Variants in SYNPO2 observed in about 807,000 individuals in gnomAD.
SYNPO2 encodes synaptopodin 2.
SYNPO2 carries 56 observed loss-of-function variants against 85.0 expected under a neutral mutation model. The observed-to-expected ratio is 0.66, with a 90% CI of 0.53 to 0.82. The LOEUF (loss-of-function observed/expected upper bound fraction) is 0.82, where lower values mean the gene tolerates loss of function less well. Among genes scored for constraint, SYNPO2 ranks in the 40% least tolerant of loss-of-function variants. The pLI is 0.00. For missense variants in SYNPO2, 1,575 were observed against 1,534.2 expected (o/e 1.03, Z -0.44); for synonymous variants, 602 against 591.1 (o/e 1.02, Z -0.27).
At chr4:118,962,977 C>G (rs566761540) in intron 1 of SYNPO2, among the ~76,000 whole-genome samples, 2 of 152,152 alleles carry the variant, frequency 1.3e-5, no homozygotes, top group Non-Finnish European at 2.9e-5. Flanking sequence ...ACACACAGAG[C>G]TTGCCTGGTG....
intron 1 of SYNPO2, among the ~76,000 whole-genome samples, chr4:118,894,305 G>A (rs1732473101): frequency 6.6e-6 from 1 of 152,146 alleles, no homozygotes; most frequent in Non-Finnish European, 1.5e-5. Context: ...GGCACTGTGA[G>A]CAGGTCATAA....
At chr4:118,972,017 G>T (rs888462138) in intron 1 of SYNPO2, among the ~76,000 whole-genome samples, 1 of 152,204 alleles carries the variant, frequency 6.6e-6, no homozygotes, top group South Asian at 2.1e-4. Context: ...GAACAGCTTC[G>T]TAGGCTTACA....
chr4:118,915,140 ACG>A (rs1733270583), intron 1 of SYNPO2, among the ~76,000 whole-genome samples: 1 of 152,044 alleles, frequency 6.6e-6, no homozygotes, highest in Non-Finnish European at 1.5e-5. Flanking sequence ...TAACAGGAAT[ACG>A]AGAGCTGAAA....
At chr4:118,869,798 G>A (rs995915094) in intron 1 of SYNPO2, among the ~76,000 whole-genome samples, 2 of 152,288 alleles carry the variant, frequency 1.3e-5, no homozygotes, top group African/African-American at 4.8e-5. Context: ...AAATGCTGGG[G>A]ATTAAGAGAG....
chr4:118,884,762 T>C (rs1732169989), upstream of SYNPO2, among the ~76,000 whole-genome samples: 1 of 152,202 alleles, frequency 6.6e-6, no homozygotes, highest in Non-Finnish European at 1.5e-5. Context: ...TCTTATTTAT[T>C]TTTTTTACTC....
intron 1 of SYNPO2, among the ~76,000 whole-genome samples, chr4:119,018,140 A>G (rs1313578434): frequency 6.6e-6 from 1 of 152,138 alleles, no homozygotes; most frequent in Non-Finnish European, 1.5e-5. Flanking sequence ...GGTAAAACAA[A>G]TCTTTCCTGG....
intron 1 of SYNPO2, among the ~76,000 whole-genome samples, chr4:118,929,038 G>A (rs1005968233): frequency 1.3e-5 from 2 of 151,824 alleles, no homozygotes; most frequent in Non-Finnish European, 2.9e-5. Flanking sequence ...CTGTTTCTTT[G>A]CCAGCATTTA....
At chr4:118,874,221 G>A (rs774464612) in intron 1 of SYNPO2, among the ~76,000 whole-genome samples, 22 of 152,156 alleles carry the variant, frequency 1.4e-4, no homozygotes, top group Non-Finnish European at 2.6e-4. Flanking sequence ...AAATGTAAAT[G>A]TTATTTATGT....
At position 119,026,832 on chromosome 4, in the gene SYNPO2, A is replaced by G. The variant is rs775755127; in HGVS notation, c.463A>G (p.Ser155Gly). 1 of 1,614,118 alleles carries G rather than the reference A, an allele frequency of 6.2e-7. No homozygotes were observed. The highest frequency in any genetic ancestry group is 1.1e-5 in the South Asian group (1 of 91,084). The change falls in exon 3 of 5, where the codon AGC (serine) becomes GGC (glycine). Residue 155 changes from serine to glycine, a missense_variant. Transcript: ENST00000307142. ...AAGAAGTGGTCCCGACTGTGCAGGCAGCTTGAAAGAAGAAACAGGCCCGAG... is the reference window on the plus strand; with the variant it reads ...AAGAAGTGGTCCCGACTGTGCAGGCGGCTTGAAAGAAGAAACAGGCCCGAG... ...NQRSGPDCAGSLKEETGPSYQ... is the reference protein window; with the variant it reads ...NQRSGPDCAGGLKEETGPSYQ...
rs1476745690 is a variant in SYNPO2 at position 118,881,174 on chromosome 4, C to T, written c.12+30234C>T. 3.3e-5 allele frequency among the ~76,000 whole-genome samples: 5 copies of T among 151,136 alleles called. 1 individual carries two copies. Among genetic ancestry groups the T allele is most frequent in the African/African-American group, 4.8e-5 (2 of 41,246 alleles). ...AAAATTAGCCGGGTGTAGTGGCGGG[C>T]GCCTGTAGTTCCAGCTACTCAGGAG... On this transcript the variant is annotated intron_variant, in intron 1 of 4. Transcript: ENST00000610556.
chr4:118,871,506 G>A (rs1414083356), intron 1 of SYNPO2, among the ~76,000 whole-genome samples: 2 of 151,926 alleles, frequency 1.3e-5, no homozygotes, highest in African/African-American at 2.4e-5. Context: ...AGGAGATTTG[G>A]ACCTTGTCTG....
intron 1 of SYNPO2, among the ~76,000 whole-genome samples, chr4:118,974,026 C>T (rs1486078253): frequency 1.3e-5 from 2 of 152,286 alleles, no homozygotes; most frequent in East Asian, 3.9e-4. Context: ...AAATCATCAA[C>T]CTGCTTATCT....
At chr4:118,879,405 GGCTGTGC>G (rs1442409284) in intron 1 of SYNPO2, among the ~76,000 whole-genome samples, 2 of 152,148 alleles carry the variant, frequency 1.3e-5, no homozygotes, top group Non-Finnish European at 2.9e-5. Flanking sequence ...TTGGAAGTGG[GGCTGTGC>G]GAAGGTAATT....
At chr4:119,056,484 G>A (rs1739210323) in intron 4 of SYNPO2, among the ~76,000 whole-genome samples, 1 of 152,012 alleles carries the variant, frequency 6.6e-6, no homozygotes, top group African/African-American at 2.4e-5. Context: ...TTGAGCCCAG[G>A]AGTTTGAGGC....
At chr4:118,922,675 A>G (rs1381628251) in intron 1 of SYNPO2, among the ~76,000 whole-genome samples, 1 of 150,978 alleles carries the variant, frequency 6.6e-6, no homozygotes, top group African/African-American at 2.4e-5. Flanking sequence ...GGGTTAAGGT[A>G]ACAGCCTTTT....
At chr4:119,041,672 A>G (rs1226132034) in intron 4 of SYNPO2, among the ~76,000 whole-genome samples, 1 of 152,260 alleles carries the variant, frequency 6.6e-6, no homozygotes, top group Non-Finnish European at 1.5e-5. Flanking sequence ...AACACTAAAT[A>G]TATTACTTAG....
At chr4:118,983,152 G>T (rs753479062) in intron 1 of SYNPO2, among the ~76,000 whole-genome samples, 1 of 152,028 alleles carries the variant, frequency 6.6e-6, no homozygotes, top group Non-Finnish European at 1.5e-5. Flanking sequence ...GAACTTCTCC[G>T]GTTTTCTTCC....
At chr4:118,909,542 A>G (rs1236514283) in intron 1 of SYNPO2, among the ~76,000 whole-genome samples, 1 of 152,214 alleles carries the variant, frequency 6.6e-6, no homozygotes, top group East Asian at 1.9e-4. Flanking sequence ...TCCAGGTGCT[A>G]ATGTGGGACA....
chr4:119,045,752 G>C (rs1738852264), intron 4 of SYNPO2, among the ~76,000 whole-genome samples: 1 of 152,126 alleles, frequency 6.6e-6, no homozygotes, highest in African/African-American at 2.4e-5. Context: ...AAATAAGGCT[G>C]TTCCTCAAGA....
Sources: gnomAD v4.1 joint callset for allele counts (sites outside exome capture counted in the v4.1 genomes callset) on GRCh38, gnomAD v4.1.1 for gene constraint, MANE v1.5 for transcripts, NCBI Gene and HGNC (gene_info 2026-07-23, HGNC 2026-07-21) for gene names.